LRP1B: variants seen among roughly 807,000 people sequenced by gnomAD.
The protein encoded by LRP1B is LDL receptor related protein 1B, also known as low-density lipoprotein receptor-related protein 1B.
LRP1B carries 217 observed loss-of-function variants against 556.6 expected under a neutral mutation model. The observed-to-expected ratio is 0.39, with a 90% CI of 0.35 to 0.44. The LOEUF (loss-of-function observed/expected upper bound fraction) is 0.44, where lower values mean the gene tolerates loss of function less well. LRP1B is among the 20% of genes least tolerant of loss of function. LRP1B has a pLI of 1.00. For missense variants in LRP1B, 5,053 were observed against 5,620.8 expected, an observed-to-expected ratio of 0.90 and a Z score of 3.23; for synonymous variants, 2,047 against 1,865.8, an observed-to-expected ratio of 1.10 and a Z score of -2.50.
rs780305333 is a variant in LRP1B at position 141,254,519 on chromosome 2, T to C, written c.463+3A>G. On this transcript the variant is annotated splice_donor_region_variant and intron_variant, in intron 4 of 90. Transcript: ENST00000389484. The stretch of plus-strand genomic sequence containing the variant: ...ATTTGATGGCGTTATATGTTTTACT[T>C]ACCTTTACAGCTTCTCCCATCTTCT... 3 of 1,611,406 alleles carry C rather than the reference T, an allele frequency of 1.9e-6. No individual in the cohort carries two copies. The highest frequency in any genetic ancestry group is 3.3e-5 in the Admixed American group (2 of 59,866).
chr2:141,488,974 TG>T (rs1311202284), intron 2 of LRP1B, among the ~76,000 whole-genome samples: 6 of 44,238 alleles, frequency 1.4e-4, no homozygotes, highest in African/African-American at 2.9e-4. Context: ...TGTTTTTTTT[TG>T]TTTGTTTGTT....
chr2:140,304,524 T>C (rs1450346906), intron 83 of LRP1B, among the ~76,000 whole-genome samples: 1 of 152,206 alleles, frequency 6.6e-6, no homozygotes, highest in African/African-American at 2.4e-5. Context: ...CTTGTAAATT[T>C]GTTTGAGTTC....
chr2:141,557,519 T>C (rs1188605370), intron 2 of LRP1B, among the ~76,000 whole-genome samples: 1 of 151,914 alleles, frequency 6.6e-6, no homozygotes, highest in Non-Finnish European at 1.5e-5. Flanking sequence ...TTCTCATGAA[T>C]GGGATGTGAG....
chr2:140,823,807 T>C (rs1691409341), intron 31 of LRP1B, among the ~76,000 whole-genome samples: 1 of 151,820 alleles, frequency 6.6e-6, no homozygotes. Flanking sequence ...AAAAGTAAAA[T>C]ATTATCCTTA....
intron 3 of LRP1B, among the ~76,000 whole-genome samples, chr2:141,307,352 T>C (rs1191852357): frequency 6.6e-6 from 1 of 152,132 alleles, no homozygotes; most frequent in African/African-American, 2.4e-5. Flanking sequence ...CCATTTATCA[T>C]TATATAATGA....
chr2:141,201,578 A>T (rs1682021514), intron 6 of LRP1B, among the ~76,000 whole-genome samples: 1 of 152,222 alleles, frequency 6.6e-6, no homozygotes, highest in Non-Finnish European at 1.5e-5. Context: ...AAAAATACAT[A>T]TTTTAAGTTA....
intron 31 of LRP1B, among the ~76,000 whole-genome samples, chr2:140,833,929 A>G (rs2105081552): frequency 6.6e-6 from 1 of 152,332 alleles, no homozygotes; most frequent in South Asian, 2.1e-4. Context: ...ACATGACTTT[A>G]CTATTTTACT....
intron 2 of LRP1B, among the ~76,000 whole-genome samples, chr2:141,571,550 A>G (rs1686530395): frequency 6.6e-6 from 1 of 152,184 alleles, no homozygotes; most frequent in African/African-American, 2.4e-5. Context: ...ATGTCTCTCC[A>G]TCAAGGGTCC....
At chr2:140,726,551 C>T (rs991145584) in intron 35 of LRP1B, among the ~76,000 whole-genome samples, 7 of 152,184 alleles carry the variant, frequency 4.6e-5, no homozygotes, top group African/African-American at 1.7e-4. Context: ...ACAAAGCTTC[C>T]TCCTTCCAAA....
chr2:140,301,862 T>A (rs569755165), intron 83 of LRP1B, among the ~76,000 whole-genome samples: 54 of 151,982 alleles, frequency 3.6e-4, no homozygotes, highest in Non-Finnish European at 7.4e-4. Flanking sequence ...TATGAATATA[T>A]ATGCAATAGT....
At chr2:141,001,945 A>G (rs747968468) in intron 15 of LRP1B, among the ~76,000 whole-genome samples, 3 of 152,252 alleles carry the variant, frequency 2.0e-5, no homozygotes, top group African/African-American at 2.4e-5. Context: ...CACATAAAGC[A>G]TATCTTTTCT....
chr2:141,434,250 G>A (rs924375883), intron 3 of LRP1B, among the ~76,000 whole-genome samples: 2 of 152,088 alleles, frequency 1.3e-5, no homozygotes, highest in Non-Finnish European at 2.9e-5. Context: ...AATGGTGTCT[G>A]ACATTTCTCT....
Position 140,457,563 on chromosome 2 carries a change from G to A in LRP1B, c.9714C>T (p.Ser3238=), listed in dbSNP as rs1687153278. The change falls in exon 61 of 91, where the codon AGC becomes AGT. Residue 3238 remains serine, a synonymous_variant. Transcript: ENST00000389484. ...YWTDGKTKSL[S]RAHKTSGADR... is the part of the protein sequence containing the mutation. ...CTGCTCCCGATGTTTTATGGGCACG[G>A]CTGAGTGACTTGGTTTTCCCATCAG... 1.9e-6 allele frequency: 3 copies of A among 1,613,624 alleles called. No individual in the cohort carries two copies. The highest frequency in any genetic ancestry group is 2.7e-5 in the African/African-American group (2 of 74,900).
rs143964620 is a variant in LRP1B at position 142,034,878 on chromosome 2, T to G, written c.82+95770A>C. Among the ~76,000 whole-genome samples the G allele has an allele frequency of 1.8e-3, 277 of 151,872 alleles. 3 individuals are homozygous for G. Among genetic ancestry groups the G allele is most frequent in the South Asian group, 3.3e-3 (16 of 4,820 alleles). On this transcript the variant is annotated intron_variant, in intron 1 of 90. Coordinates refer to ENST00000389484, the MANE Select transcript of LRP1B (RefSeq NM_018557.3). The stretch of plus-strand genomic sequence containing the variant: ...TTCAATAATTTTTACTGAATTAAAT[T>G]TATCAGATTTCTATTTAAAATACAA...
intron 66 of LRP1B, among the ~76,000 whole-genome samples, chr2:140,386,924 G>A (rs1683783037): frequency 6.6e-6 from 1 of 152,108 alleles, no homozygotes; most frequent in African/African-American, 2.4e-5. Flanking sequence ...AAGTCATTTG[G>A]GAATTTTGCT....
Position 141,008,188 on chromosome 2 carries a change from AG to A in LRP1B, c.2381-2732del, listed in dbSNP as rs534111764. ...TTTTTATACCTATATATCAATTAAAAGGTCATTAACATATTAATAGCTGCTG... is the reference window on the plus strand; with the variant it reads ...TTTTTATACCTATATATCAATTAAAAGTCATTAACATATTAATAGCTGCTG... On this transcript the variant is annotated intron_variant, in intron 14 of 90. Coordinates refer to ENST00000389484, the MANE Select transcript of LRP1B (RefSeq NM_018557.3). Among the ~76,000 whole-genome samples the A allele has an allele frequency of 2.0e-4, 30 of 151,514 alleles. 1 individual carries two copies. In the South Asian group the frequency reaches 6.0e-3, roughly 30 times the overall value.
chr2:140,407,244 G>T (rs1397803322), intron 66 of LRP1B, among the ~76,000 whole-genome samples: 2 of 151,952 alleles, frequency 1.3e-5, no homozygotes, highest in African/African-American at 4.8e-5. Context: ...AATTATAGAA[G>T]ACAACATTGA....
intron 2 of LRP1B, among the ~76,000 whole-genome samples, chr2:141,580,665 C>G (rs1452566377): frequency 6.6e-6 from 1 of 152,180 alleles, no homozygotes. Context: ...TACTACTTAA[C>G]AAAAATCATT....
At chr2:141,663,658 T>C (rs1690309413) in intron 2 of LRP1B, among the ~76,000 whole-genome samples, 1 of 152,052 alleles carries the variant, frequency 6.6e-6, no homozygotes, top group Non-Finnish European at 1.5e-5. Context: ...AATCCCTGAA[T>C]AGATCAATTA....
Sources: gnomAD v4.1 joint callset for allele counts (sites outside exome capture counted in the v4.1 genomes callset) on GRCh38, gnomAD v4.1.1 for gene constraint, MANE v1.5 for transcripts, NCBI Gene and HGNC (gene_info 2026-07-23, HGNC 2026-07-21) for gene names.